NPAS3: variants seen among roughly 807,000 people sequenced by gnomAD.
NPAS3 encodes neuronal PAS domain-containing protein 3.
Under a neutral mutation model 73.1 loss-of-function variants are expected in NPAS3, and 14 were observed. That is an observed-to-expected ratio of 0.19 (90% confidence interval 0.13 to 0.30). NPAS3 has a LOEUF of 0.30. Among genes scored for constraint, NPAS3 ranks in the 10% least tolerant of loss-of-function variants. The pLI, the probability that NPAS3 is intolerant of heterozygous loss-of-function variation, is 1.00. For synonymous variants in NPAS3, 620 were observed against 541.5 expected (o/e 1.14, Z -2.01); for missense variants, 1,096 against 1,250.0 (o/e 0.88, Z 1.86).
intron 3 of NPAS3, among the ~76,000 whole-genome samples, chr14:33,312,647 T>A (rs545837775): frequency 4.9e-4 from 74 of 152,208 alleles, no homozygotes; most frequent in Non-Finnish European, 1.0e-3. Flanking sequence ...ACTTATGGAA[T>A]AAGTTGACAG....
At chr14:33,087,140 A>C (rs543404559) in intron 2 of NPAS3, among the ~76,000 whole-genome samples, 3 of 98,220 alleles carry the variant, frequency 3.1e-5, no homozygotes, top group Non-Finnish European at 5.8e-5. Flanking sequence ...ATATTGTATA[A>C]TAATATAGTA....
At chr14:33,676,629 A>G (rs1380429488) in intron 6 of NPAS3, among the ~76,000 whole-genome samples, 1 of 152,236 alleles carries the variant, frequency 6.6e-6, no homozygotes, top group Non-Finnish European at 1.5e-5. Flanking sequence ...TAGTTCTTTT[A>G]GTTTCTCTTT....
At chr14:33,485,138 G>A (rs1411935564) in intron 4 of NPAS3, among the ~76,000 whole-genome samples, 1 of 152,070 alleles carries the variant, frequency 6.6e-6, no homozygotes, top group Non-Finnish European at 1.5e-5. Flanking sequence ...CTCATGTATA[G>A]ACGGTTTCTC....
At chr14:33,488,700 A>G (rs10147088) in intron 4 of NPAS3, among the ~76,000 whole-genome samples, 1,859 of 152,198 alleles carry the variant, frequency 0.012, 52 homozygotes, top group African/African-American at 0.041. Flanking sequence ...TATGAGTTGG[A>G]TGTTAGCCTG....
At chr14:33,262,892 C>T (rs963026528) in intron 3 of NPAS3, among the ~76,000 whole-genome samples, 1 of 152,074 alleles carries the variant, frequency 6.6e-6, no homozygotes, top group African/African-American at 2.4e-5. Context: ...AGCATTTTTT[C>T]ATGTGTCTTT....
Position 32,977,356 on chromosome 14 carries a change from G to GCACACACACACACACA in NPAS3, c.50+38000_50+38015dup, listed in dbSNP as rs3057259. Reference sequence around the variant, plus strand: ...TTTCTACGAGTTTTGTCTCTGACACGCACACACACACACACACACACACAC... The same window carrying GCACACACACACACACA: ...TTTCTACGAGTTTTGTCTCTGACACGCACACACACACACACACACACACACACACACACACACACAC... On this transcript the variant is annotated intron_variant, in intron 1 of 11. Coordinates refer to ENST00000356141, the Ensembl canonical transcript of NPAS3. Among the ~76,000 whole-genome samples the GCACACACACACACACA allele has an allele frequency of 9.7e-3, 1,367 of 141,516 alleles. 16 individuals carry two copies. Among genetic ancestry groups the GCACACACACACACACA allele is most frequent in the African/African-American group, 0.02 (754 of 38,486 alleles). The allele number at this position is 141,516 out of a possible 152,430, so 92.8% of individuals were successfully genotyped here.
chr14:32,965,666 C>T (rs2037121970), intron 1 of NPAS3, among the ~76,000 whole-genome samples: 1 of 152,172 alleles, frequency 6.6e-6, no homozygotes. Context: ...AGGATGCCCA[C>T]TTTCACCACT....
chr14:33,144,279 T>C (rs548483963), intron 2 of NPAS3, among the ~76,000 whole-genome samples: 1 of 152,228 alleles, frequency 6.6e-6, no homozygotes, highest in African/African-American at 2.4e-5. Flanking sequence ...TGGGACCTCA[T>C]TGTGGTTTTG....
intron 4 of NPAS3, among the ~76,000 whole-genome samples, chr14:33,542,319 T>C (rs187131357): frequency 7.9e-5 from 12 of 152,142 alleles, no homozygotes; most frequent in African/African-American, 2.7e-4. Flanking sequence ...TCAGTTGCCC[T>C]TTTTTTGTCC....
At chr14:33,698,052 G>A (rs2060434001) in intron 6 of NPAS3, among the ~76,000 whole-genome samples, 2 of 152,172 alleles carry the variant, frequency 1.3e-5, no homozygotes, top group Admixed American at 1.3e-4. Context: ...GCATCCGATG[G>A]TCTGCAAAGC....
chr14:33,588,357 T>G (rs10872878), intron 5 of NPAS3, among the ~76,000 whole-genome samples: 59,158 of 151,928 alleles, frequency 0.39, 12,773 homozygotes, highest in East Asian at 0.65. Context: ...TCGGCAGTCA[T>G]ATTCTGGGTT....
intron 2 of NPAS3, among the ~76,000 whole-genome samples, chr14:33,147,733 ATATAT>A (rs2044293784): frequency 7.4e-6 from 1 of 135,182 alleles, no homozygotes; most frequent in African/African-American, 2.7e-5. Context: ...AATAAAAAAT[ATATAT>A]ATATATATAT....
intron 4 of NPAS3, among the ~76,000 whole-genome samples, chr14:33,496,656 A>G (rs1269617173): frequency 6.6e-6 from 1 of 152,172 alleles, no homozygotes; most frequent in Non-Finnish European, 1.5e-5. Flanking sequence ...AACACCCTTC[A>G]TGCTAAAAAC....
At chr14:33,534,470 C>T (rs537042717) in intron 4 of NPAS3, among the ~76,000 whole-genome samples, 5 of 152,188 alleles carry the variant, frequency 3.3e-5, no homozygotes, top group South Asian at 4.1e-4. Context: ...TATAGAAACA[C>T]GTGAGGAAGT....
chr14:33,755,488 C>T (rs951218954), intron 7 of NPAS3, among the ~76,000 whole-genome samples: 1 of 152,118 alleles, frequency 6.6e-6, no homozygotes, highest in African/African-American at 2.4e-5. Flanking sequence ...ACCATGACGC[C>T]ATCCCTGCCG....
chr14:32,945,855 T>C (rs1198516092), intron 1 of NPAS3, among the ~76,000 whole-genome samples: 1 of 152,198 alleles, frequency 6.6e-6, no homozygotes, highest in Non-Finnish European at 1.5e-5. Flanking sequence ...TATACATACT[T>C]CAGGGCAGAT....
chr14:33,706,548 G>A (rs1238260203), intron 6 of NPAS3, among the ~76,000 whole-genome samples: 3 of 152,160 alleles, frequency 2.0e-5, no homozygotes, highest in Non-Finnish European at 2.9e-5. Context: ...ACTGGGGCAC[G>A]TGGATAGGAG....
At chr14:33,040,334 T>C (rs1163145686) in intron 1 of NPAS3, among the ~76,000 whole-genome samples, 1 of 152,178 alleles carries the variant, frequency 6.6e-6, no homozygotes, top group East Asian at 1.9e-4. Context: ...TTACTTGTTT[T>C]TGCCAGACTA....
chr14:33,704,761 C>T (rs1214057226), intron 6 of NPAS3, among the ~76,000 whole-genome samples: 2 of 152,132 alleles, frequency 1.3e-5, no homozygotes, highest in Non-Finnish European at 2.9e-5. Context: ...AGGGAGAGAG[C>T]GGCTTGACGT....
Sources: allele counts gnomAD v4.1 joint callset (sites outside exome capture counted in the v4.1 genomes callset), GRCh38; gene constraint gnomAD v4.1.1; transcripts MANE v1.5; gene names NCBI Gene and HGNC (gene_info 2026-07-23, HGNC 2026-07-21).